Variants in SLC12A5 observed in about 807,000 individuals in gnomAD.
The protein encoded by SLC12A5 is K-Cl cotransporter 2.
In SLC12A5, 18 loss-of-function variants were observed where a neutral mutation model predicts 124.0. The ratio of observed to expected loss-of-function variants is 0.15; its 90% CI spans 0.10 to 0.22. The LOEUF is 0.22. SLC12A5 is among the 10% of genes least tolerant of loss of function. The pLI is 1.00. For missense variants in SLC12A5, 867 were observed against 1,478.7 expected, an observed-to-expected ratio of 0.59 and a Z score of 6.78; for synonymous variants, 589 against 568.0, an observed-to-expected ratio of 1.04 and a Z score of -0.53.
downstream of SLC12A5, among the ~76,000 whole-genome samples, chr20:46,024,141 C>CTGTGTGTG (rs3222615): frequency 1.9e-3 from 284 of 147,746 alleles, 2 homozygotes; most frequent in East Asian, 4.2e-3. Context: ...GTGGCAGAGG[C>CTGTGTGTG]TGTGTGTGTG....
Position 46,040,515 on chromosome 20 carries a change from T to C in SLC12A5, c.755T>C (p.Val252Ala). The change falls in exon 7 of 26, where the codon GTC becomes GCC. Residue 252 changes from valine (V) to alanine (A), a missense_variant. By Grantham distance (64) the Val-to-Ala change is moderately conservative. This residue lies in a region of SLC12A5 where 126 missense variants were observed against 291.6 expected (regional missense o/e 0.43). Coordinates refer to ENST00000243964, the MANE Select transcript of SLC12A5 (RefSeq NM_020708.5). ...GTGGTGTTTGTGGGTGTCAAGTATG[T>C]CAACAAGTTTGCCCTTGTCTTCCTG... ...ATVVFVGVKY[V>A]NKFALVFLGC... is the part of the protein sequence containing the mutation. 6.2e-7 allele frequency: 1 copy of C among 1,614,224 alleles called. No individual in the cohort carries two copies. Among genetic ancestry groups the C allele is most frequent in the Non-Finnish European group, 8.5e-7 (1 of 1,180,032 alleles).
intron 20 of SLC12A5, among the ~76,000 whole-genome samples, chr20:46,054,497 C>T (rs1466382952): frequency 6.6e-6 from 1 of 152,218 alleles, no homozygotes; most frequent in East Asian, 1.9e-4. Context: ...TCCATCCACC[C>T]ATCCCTCTGT....
chr20:46,040,316 A>C (rs58572087), intron 6 of SLC12A5, 57 bp from the exon 7 acceptor site: 43,660 of 1,599,904 alleles, frequency 0.027, 1,143 homozygotes, highest in Admixed American at 0.14. Flanking sequence ...AAAGCGCTGC[A>C]TGTAGTGCAA....
In SLC12A5 at chr20:46,045,679, G is replaced by T. The variant is rs981393666; in HGVS notation, c.1570-199G>T. ...ATCATTTGAACTTCATGGCACTGGG[G>T]TGCCGATCTCAGGGTGGGCAAGATG... On this transcript the variant is annotated intron_variant, in intron 12 of 25. Coordinates refer to ENST00000243964, the MANE Select transcript of SLC12A5 (RefSeq NM_020708.5). The surrounding 1 kb of genome is among the most constrained non-coding windows in gnomAD (Gnocchi z 4.9). Among the ~76,000 whole-genome samples the T allele has an allele frequency of 1.6e-4, 24 of 152,268 alleles. No individual in the cohort carries two copies. Among genetic ancestry groups the T allele is most frequent in the Non-Finnish European group, 3.2e-4 (22 of 68,020 alleles).
At chr20:46,047,723 T>G in intron 15 of SLC12A5, 150 bp downstream of exon 15, 1 of 1,034,416 alleles carries the variant, frequency 9.7e-7, no homozygotes, top group South Asian at 1.6e-5. Flanking sequence ...GAGAGGGTGA[T>G]ATGGGATGAC....
intron 1 of SLC12A5, among the ~76,000 whole-genome samples, chr20:46,022,459 C>T (rs549197354): frequency 6.6e-6 from 1 of 151,822 alleles, no homozygotes; most frequent in East Asian, 1.9e-4. Context: ...GTCAGGGTTG[C>T]CGAGGCAGGT....
rs775553439 is a variant in SLC12A5 at position 46,041,494 on chromosome 20, C to T, written c.1020C>T (p.Val340=). Reference sequence around the variant, plus strand: ...ATGAATACTTCACCCGAAACAATGTCACAGAGATCCAGGGCATCCCTGGTG... The same window carrying T: ...ATGAATACTTCACCCGAAACAATGTTACAGAGATCCAGGGCATCCCTGGTG... ...TCDEYFTRNN[V]TEIQGIPGAA... The change falls in exon 8 of 26, where the codon GTC becomes GTT. Residue 340 remains valine, a synonymous_variant. Coordinates refer to ENST00000243964, the MANE Select transcript of SLC12A5 (RefSeq NM_020708.5). The T allele has an allele frequency of 6.2e-7, 1 of 1,614,100 alleles. No homozygotes were observed. The highest frequency in any genetic ancestry group is 1.1e-5 in the South Asian group (1 of 91,060).
In SLC12A5 at chr20:46,042,696, A is replaced by C. The variant is rs78798351; in HGVS notation, c.1067-457A>C. On this transcript the variant is annotated intron_variant, in intron 8 of 25. Transcript: ENST00000243964. ...TGGAGAGAAGGGGCATATTTAAGAAATATTAAGGAGGGGTTAAAGGACAGA... is the reference window on the plus strand; with the variant it reads ...TGGAGAGAAGGGGCATATTTAAGAACTATTAAGGAGGGGTTAAAGGACAGA... Among the ~76,000 whole-genome samples, 755 of 152,228 alleles carry C rather than the reference A, an allele frequency of 5.0e-3. 8 individuals are homozygous for C. The highest frequency in any genetic ancestry group is 0.017 in the African/African-American group (718 of 41,532).
chr20:46,035,578 T>TG lies in SLC12A5; in HGVS notation c.279+49dup, dbSNP rs778242168. 2.6e-5 allele frequency: 9 copies of TG among 341,894 alleles called. No homozygotes were observed. In the African/African-American group the frequency reaches 2.8e-4, roughly 10 times the overall value. The allele number at this position is 341,894 out of a possible 1,614,324, so 21.2% of individuals were successfully genotyped here. On this transcript the variant is annotated intron_variant, in intron 3 of 25. Transcript: ENST00000243964. ...TGAGAAATGGAAGAAAAGGGACGGA[T>TG]GGGGGGTGGGGGAGGATGGGGGAGG...
chr20:46,041,571 G>C (rs972978839), intron 8 of SLC12A5, 31 bp downstream of exon 8: 2 of 1,610,370 alleles, frequency 1.2e-6, no homozygotes, highest in Non-Finnish European at 1.7e-6. Flanking sequence ...TGGCATCCAG[G>C]GAACGCTGCA....
chr20:46,039,281 C>A (rs1271141311), intron 6 of SLC12A5, among the ~76,000 whole-genome samples: 1 of 142,802 alleles, frequency 7.0e-6, no homozygotes, highest in South Asian at 2.1e-4. Context: ...ATAGATTATC[C>A]ACATTTTTTA....
At chr20:46,029,919 T>C (rs148261237) in intron 1 of SLC12A5, among the ~76,000 whole-genome samples, 334 of 12,566 alleles carry the variant, frequency 0.027, 11 homozygotes, top group South Asian at 0.24. Flanking sequence ...TGTGTGTGCG[T>C]GTGTGTGTGT....
At chr20:46,034,058 C>T (rs1230855553) in intron 1 of SLC12A5, among the ~76,000 whole-genome samples, 1 of 152,158 alleles carries the variant, frequency 6.6e-6, no homozygotes, top group Non-Finnish European at 1.5e-5. Flanking sequence ...CTGCGCTTCC[C>T]TTCCCAGGCT....
intron 6 of SLC12A5, among the ~76,000 whole-genome samples, chr20:46,039,880 A>G (rs981709244): frequency 1.3e-5 from 2 of 152,190 alleles, no homozygotes; most frequent in Non-Finnish European, 2.9e-5. Context: ...TGGGGATATC[A>G]TGATTTATTC....
Position 46,057,757 on chromosome 20 carries a change from G to T in SLC12A5, c.*152G>T, listed in dbSNP as rs1490431561. 4.8e-6 allele frequency: 3 copies of T among 623,338 alleles called. No individual in the cohort carries two copies. The highest frequency in any genetic ancestry group is 8.1e-6 in the Non-Finnish European group (3 of 371,488). The allele number at this position is 623,338 out of a possible 1,614,324, so 38.6% of individuals were successfully genotyped here. On this transcript the variant is annotated 3_prime_UTR_variant, in exon 26 of 26. Coordinates refer to ENST00000243964, the MANE Select transcript of SLC12A5 (RefSeq NM_020708.5). The surrounding 1 kb of genome is among the most constrained non-coding windows in gnomAD (Gnocchi z 7.1). ...TGCCTGAAGCCCGGAGGCCACGCCTGTTGGGGCTGATTCGGAGAGGGCGCC... is the reference window on the plus strand; with the variant it reads ...TGCCTGAAGCCCGGAGGCCACGCCTTTTGGGGCTGATTCGGAGAGGGCGCC...
rs2084710681 is a variant in SLC12A5 at position 46,057,748 on chromosome 20, G to A, written c.*143G>A. The A allele has an allele frequency of 1.5e-6, 1 of 655,386 alleles. No individual in the cohort carries two copies. Among genetic ancestry groups the A allele is most frequent in the South Asian group, 2.1e-5 (1 of 48,598 alleles). 40.6% of individuals were successfully genotyped at this position (655,386 alleles called of 1,614,324 possible). A position where few individuals can be genotyped will look rare whatever the true frequency, so the allele number is the denominator to read the frequency against. Reference sequence around the variant, plus strand: ...TTACCCCGCTGCCTGAAGCCCGGAGGCCACGCCTGTTGGGGCTGATTCGGA... The same window carrying A: ...TTACCCCGCTGCCTGAAGCCCGGAGACCACGCCTGTTGGGGCTGATTCGGA... On this transcript the variant is annotated 3_prime_UTR_variant, in exon 26 of 26. Transcript: ENST00000243964. This position sits in a 1 kb window ranked among gnomAD's most constrained non-coding sequence, Gnocchi z 7.1.
At chr20:46,030,504 G>A (rs1412147432) in intron 1 of SLC12A5, among the ~76,000 whole-genome samples, 1 of 66,954 alleles carries the variant, frequency 1.5e-5, no homozygotes, top group African/African-American at 6.0e-5. Context: ...CATCCATCAC[G>A]GCTGTCAGCC....
chr20:46,038,246 T>G (rs1370671449), intron 6 of SLC12A5: 1 of 152,202 alleles, frequency 6.6e-6, no homozygotes, highest in East Asian at 1.9e-4. Flanking sequence ...TTGCCCAGGC[T>G]GGAGGGCAGT....
chr20:46,054,975 C>T lies in SLC12A5; in HGVS notation c.2739C>T (p.Ser913=). 5 of 1,614,072 alleles carry T rather than the reference C, an allele frequency of 3.1e-6. No individual in the cohort carries two copies. Among genetic ancestry groups the T allele is most frequent in the Non-Finnish European group, 4.2e-6 (5 of 1,180,004 alleles). The stretch of plus-strand genomic sequence containing the variant: ...AGACGTTGGTGATGGAGCAGCGTTC[C>T]CAGATCCTCAAACAGATGCATTTAA... The part of the protein sequence containing the change: ...YEKTLVMEQR[S]QILKQMHLTK... Residue 913 remains serine, a synonymous_variant, in exon 21 of 26, where the codon TCC becomes TCT. Coordinates refer to ENST00000243964, the MANE Select transcript of SLC12A5 (RefSeq NM_020708.5).
Sources: allele counts gnomAD v4.1 joint callset (sites outside exome capture counted in the v4.1 genomes callset), GRCh38; gene constraint gnomAD v4.1.1; regional missense constraint gnomAD v4.1.1; non-coding constraint Gnocchi (gnomAD v3.1); transcripts MANE v1.5; gene names NCBI Gene and HGNC (gene_info 2026-07-23, HGNC 2026-07-21).